CREM: variants seen among roughly 807,000 people sequenced by gnomAD.
CREM encodes the protein cAMP-responsive element modulator.
In CREM, 13 loss-of-function variants were observed where a neutral mutation model predicts 37.3. The ratio of observed to expected loss-of-function variants is 0.35; its 90% CI spans 0.23 to 0.55. The LOEUF (loss-of-function observed/expected upper bound fraction) is 0.55. Ranked by LOEUF, CREM falls within the 20% of genes least tolerant of loss-of-function variation. The pLI is 0.88. For synonymous variants in CREM, 124 were observed against 120.2 expected, an observed-to-expected ratio of 1.03 and a Z score of -0.21; for missense variants, 296 against 362.3, an observed-to-expected ratio of 0.82 and a Z score of 1.49.
At chr10:35,208,437 T>C (rs2095587517) in intron 7 of CREM, among the ~76,000 whole-genome samples, 1 of 152,242 alleles carries the variant, frequency 6.6e-6, no homozygotes, top group Non-Finnish European at 1.5e-5. Context: ...TGGTTTAGTT[T>C]TTATTATGAA....
chr10:35,159,550 G>C (rs1237555187), intron 3 of CREM, among the ~76,000 whole-genome samples: 2 of 152,146 alleles, frequency 1.3e-5, no homozygotes, highest in Non-Finnish European at 2.9e-5. Flanking sequence ...TTAGGCCCTT[G>C]TCTCTCACCA....
At chr10:35,186,316 T>A (rs1260813777) in intron 5 of CREM, among the ~76,000 whole-genome samples, 1 of 152,114 alleles carries the variant, frequency 6.6e-6, no homozygotes, top group Non-Finnish European at 1.5e-5. Flanking sequence ...AAACGTTTGA[T>A]CAGTTATTCT....
At chr10:35,168,724 G>A (rs1435123127) in intron 3 of CREM, among the ~76,000 whole-genome samples, 1 of 152,128 alleles carries the variant, frequency 6.6e-6, no homozygotes, top group Non-Finnish European at 1.5e-5. Context: ...GGTTTTTATG[G>A]TTTTAGGTCT....
At chr10:35,153,262 TA>T (rs929014071) in intron 3 of CREM, among the ~76,000 whole-genome samples, 7 of 151,156 alleles carry the variant, frequency 4.6e-5, no homozygotes, top group East Asian at 1.9e-4. Context: ...TCAATAAAAT[TA>T]AAAAAAAAGA....
chr10:35,177,430 T>A (rs1476555630), intron 3 of CREM, among the ~76,000 whole-genome samples: 1 of 152,230 alleles, frequency 6.6e-6, no homozygotes, highest in Non-Finnish European at 1.5e-5. Context: ...AGTTTTAACC[T>A]GGCTGGTATT....
At chr10:35,149,529 A>C (rs959586485) in intron 3 of CREM, among the ~76,000 whole-genome samples, 2 of 152,170 alleles carry the variant, frequency 1.3e-5, no homozygotes, top group African/African-American at 4.8e-5. Flanking sequence ...GGTGGAATTG[A>C]AAGTCAGTGA....
intron 7 of CREM, among the ~76,000 whole-genome samples, chr10:35,208,814 C>T (rs1369758978): frequency 6.6e-6 from 1 of 152,222 alleles, no homozygotes; most frequent in East Asian, 1.9e-4. Context: ...TAGTCCCTAG[C>T]TGTACAGGAT....
chr10:35,143,017 A>C (rs1384830444), intron 2 of CREM, among the ~76,000 whole-genome samples: 1 of 152,148 alleles, frequency 6.6e-6, no homozygotes, highest in African/African-American at 2.4e-5. Flanking sequence ...CTTACTAAGA[A>C]TATACAGCAA....
At chr10:35,160,656 G>A (rs1164434806) in intron 3 of CREM, among the ~76,000 whole-genome samples, 1 of 152,210 alleles carries the variant, frequency 6.6e-6, no homozygotes, top group African/African-American at 2.4e-5. Context: ...TCAATGAACT[G>A]TAGCTTACTG....
chr10:35,203,146 C>T (rs1272227233), intron 6 of CREM, among the ~76,000 whole-genome samples: 1 of 151,948 alleles, frequency 6.6e-6, no homozygotes. Context: ...CCTCAACCTC[C>T]TGGGCTCACA....
In CREM at chr10:35,180,250, G is replaced by A. The variant is rs537094142; in HGVS notation, c.409+974G>A. 2.0e-5 allele frequency among the ~76,000 whole-genome samples: 3 copies of A among 152,240 alleles called. No individual in the cohort carries two copies. The South Asian group carries it at 6.2e-4, about 32-fold the overall frequency. On this transcript the variant is annotated intron_variant, in intron 5 of 7. Transcript: ENST00000685392. ...GAGCTACTTAGGTACTGGAATATAT[G>A]TGATATTAAATAATGTGTTTATCCA...
intron 3 of CREM, among the ~76,000 whole-genome samples, chr10:35,158,798 G>GTTTTTTT (rs543961468): frequency 9.9e-6 from 1 of 100,838 alleles, no homozygotes; most frequent in African/African-American, 3.5e-5. Flanking sequence ...CAAATATAGT[G>GTTTTTTT]TTTTTTTTTT....
chr10:35,164,613 A>T (rs1206284314), intron 3 of CREM, among the ~76,000 whole-genome samples: 1 of 152,250 alleles, frequency 6.6e-6, no homozygotes, highest in East Asian at 1.9e-4. Flanking sequence ...TCATGGTAAG[A>T]CCAAACTGCA....
intron 3 of CREM, among the ~76,000 whole-genome samples, chr10:35,163,993 AAAG>A (rs2093420809): frequency 6.6e-6 from 1 of 151,806 alleles, no homozygotes; most frequent in Admixed American, 6.6e-5. Context: ...AAAAACAAAA[AAAG>A]AGCCCTAATT....
chr10:35,161,587 CG>C (rs2093297809), intron 3 of CREM, among the ~76,000 whole-genome samples: 6 of 151,666 alleles, frequency 4.0e-5, no homozygotes, highest in Admixed American at 2.6e-4. Context: ...CACTTGAACC[CG>C]GGAGGCAGAA....
chr10:35,169,726 G>T (rs2093712749), intron 3 of CREM, among the ~76,000 whole-genome samples: 1 of 151,960 alleles, frequency 6.6e-6, no homozygotes, highest in Non-Finnish European at 1.5e-5. Context: ...ATTGGCTGTG[G>T]GTTTGTCATA....
chr10:35,148,700 A>G, intron 3 of CREM: 2 of 484,802 alleles, frequency 4.1e-6, no homozygotes, highest in East Asian at 3.7e-5. Context: ...CATTGCCACC[A>G]CCACTATGGA....
At chr10:35,135,788 G>C (rs376199356) in intron 1 of CREM, among the ~76,000 whole-genome samples, 2 of 149,912 alleles carry the variant, frequency 1.3e-5, no homozygotes, top group Non-Finnish European at 3.0e-5. Flanking sequence ...AGAACAAAAG[G>C]CTAGATAATT....
chr10:35,178,817 T>C lies in CREM; in HGVS notation c.169-72T>C, dbSNP rs923094236. The stretch of plus-strand genomic sequence containing the variant: ...GCTCAGTGCTGCACACACAGACTCT[T>C]AGCCTCAATTTTTTGAATGAGGGAA... On this transcript the variant is annotated intron_variant, in intron 3 of 7. Transcript: ENST00000685392. The C allele has an allele frequency of 4.0e-6, 5 of 1,251,870 alleles. No homozygotes were observed. The African/African-American group carries it at 7.5e-5, about 19-fold the overall frequency. The allele number at this position is 1,251,870 out of a possible 1,614,324, so 77.5% of individuals were successfully genotyped here.
Sources: allele counts gnomAD v4.1 joint callset (sites outside exome capture counted in the v4.1 genomes callset), GRCh38; gene constraint gnomAD v4.1.1; transcripts MANE v1.5; gene names NCBI Gene and HGNC (gene_info 2026-07-23, HGNC 2026-07-21).